Variants in GDAP1 observed in about 807,000 individuals in gnomAD.
GDAP1 encodes ganglioside induced differentiation associated protein 1.
Under a neutral mutation model 40.1 loss-of-function variants are expected in GDAP1, and 34 were observed. The observed-to-expected ratio is 0.85, with a 90% CI of 0.64 to 1.13. The LOEUF (loss-of-function observed/expected upper bound fraction) is 1.13, where lower values mean the gene tolerates loss of function less well. Ranked by LOEUF, GDAP1 falls within the 50% of genes most tolerant of loss-of-function variation. The probability of loss-of-function intolerance (pLI) is 0.00; values close to 1 mark genes in which losing one functional copy is unlikely to be tolerated. For missense variants in GDAP1, 374 were observed against 433.7 expected (o/e 0.86, Z 1.22); for synonymous variants, 170 against 157.4 (o/e 1.08, Z -0.60).
intron 2 of GDAP1, among the ~76,000 whole-genome samples, chr8:74,462,220 A>C (rs921010124): frequency 1.3e-5 from 2 of 152,176 alleles, no homozygotes; most frequent in East Asian, 3.8e-4. Context: ...ATTTTTTGTC[A>C]AGTACTTCCT....
chr8:74,410,808 C>A (rs1294970785), intron 2 of GDAP1, among the ~76,000 whole-genome samples: 1 of 150,214 alleles, frequency 6.7e-6, no homozygotes, highest in African/African-American at 2.5e-5. Context: ...GAAGTGTGTT[C>A]TTATGGCCCT....
chr8:74,429,186 T>G (rs983642885), intron 2 of GDAP1, among the ~76,000 whole-genome samples: 10 of 152,164 alleles, frequency 6.6e-5, no homozygotes, highest in Admixed American at 2.0e-4. Flanking sequence ...CATGTGCATG[T>G]GTCTTTATGG....
intron 2 of GDAP1, among the ~76,000 whole-genome samples, chr8:74,411,469 C>T (rs1404479378): frequency 6.7e-6 from 1 of 149,178 alleles, no homozygotes; most frequent in East Asian, 1.9e-4. Context: ...ATGTTTGCTA[C>T]AGTCTACAGT....
At chr8:74,374,166 G>A (rs1356597136) in intron 2 of GDAP1, among the ~76,000 whole-genome samples, 1 of 152,094 alleles carries the variant, frequency 6.6e-6, no homozygotes, top group Admixed American at 6.5e-5. Flanking sequence ...TGCCAGTATT[G>A]TATTGAGGAT....
chr8:74,467,854 C>A (rs1276319492), intron 2 of GDAP1, among the ~76,000 whole-genome samples: 2 of 152,116 alleles, frequency 1.3e-5, no homozygotes, highest in Admixed American at 6.6e-5. Context: ...CACACACATA[C>A]CGTAAAATAA....
intron 2 of GDAP1, among the ~76,000 whole-genome samples, chr8:74,438,429 T>C (rs1806120486): frequency 6.6e-6 from 1 of 152,184 alleles, no homozygotes; most frequent in Non-Finnish European, 1.5e-5. Context: ...GACTTTAAAA[T>C]GTTTGCCAAT....
At position 74,361,973 on chromosome 8, in the gene GDAP1, C is replaced by A. The variant is rs144199299; in HGVS notation, c.574C>A (p.Leu192Ile). The A allele has an allele frequency of 8.3e-5, 131 of 1,570,860 alleles. No individual in the cohort carries two copies. The African/African-American group carries it at 1.6e-3, about 19-fold the overall frequency. ...QEAYIAKQKR[L>I]KSKLLDHDNV... Reference sequence around the variant, plus strand: ...AGCATACATTGCAAAACAGAAACGACTTAAAGTAAGCCAATCAGCTGTCCT... The same window carrying A: ...AGCATACATTGCAAAACAGAAACGAATTAAAGTAAGCCAATCAGCTGTCCT... Residue 192 changes from leucine to isoleucine, a missense_variant, in exon 4 of 6, where the codon CTT (leucine) becomes ATT (isoleucine). Transcript: ENST00000220822.
In GDAP1 at chr8:74,409,101, G is replaced by A. The variant is rs143989867; in HGVS notation, c.165+57780G>A. ...ATAAGTTTATAAAAGTGCTCTATACGTGATTCTGATGTGCAATCAGAATGT... is the reference window on the plus strand; with the variant it reads ...ATAAGTTTATAAAAGTGCTCTATACATGATTCTGATGTGCAATCAGAATGT... On this transcript the variant is annotated intron_variant, in intron 2 of 2. Transcript: ENST00000523640. Among the ~76,000 whole-genome samples the A allele has an allele frequency of 1.7e-3, 259 of 149,946 alleles. 2 individuals are homozygous for A. Among genetic ancestry groups the A allele is most frequent in the Middle Eastern group, 0.017 (5 of 294 alleles).
At chr8:74,475,498 G>T (rs1806617635) in intron 2 of GDAP1, among the ~76,000 whole-genome samples, 1 of 152,024 alleles carries the variant, frequency 6.6e-6, no homozygotes, top group Non-Finnish European at 1.5e-5. Flanking sequence ...GTTCTCATTA[G>T]TTTCAAATAA....
intron 2 of GDAP1, among the ~76,000 whole-genome samples, chr8:74,421,691 G>T (rs1205097055): frequency 6.6e-6 from 1 of 152,152 alleles, no homozygotes; most frequent in Non-Finnish European, 1.5e-5. Flanking sequence ...CATTCCTCAA[G>T]GGGAAATTAT....
intron 2 of GDAP1, among the ~76,000 whole-genome samples, chr8:74,391,872 G>T (rs1248689391): frequency 6.6e-6 from 1 of 152,106 alleles, no homozygotes; most frequent in Non-Finnish European, 1.5e-5. Context: ...AGGCTGGAGT[G>T]CAATGGCCCG....
At chr8:74,399,541 C>T (rs1292271992) in intron 2 of GDAP1, among the ~76,000 whole-genome samples, 1 of 145,782 alleles carries the variant, frequency 6.9e-6, no homozygotes, top group Admixed American at 6.7e-5. Flanking sequence ...TTTTGTGTCT[C>T]TATTTCCTTC....
intron 2 of GDAP1, among the ~76,000 whole-genome samples, chr8:74,467,148 T>G (rs1806480178): frequency 6.6e-6 from 1 of 152,138 alleles, no homozygotes; most frequent in African/African-American, 2.4e-5. Context: ...AGCAAAGCCA[T>G]CAGCTGAGAG....
rs1202136130 is a variant in GDAP1 at position 74,366,064 on chromosome 8, C to A, written c.*1697C>A. 2.3e-6 allele frequency: 1 copy of A among 442,398 alleles called. No homozygotes were observed. The highest frequency in any genetic ancestry group is 4.5e-6 in the Non-Finnish European group (1 of 223,494). The allele number at this position is 442,398 out of a possible 1,614,324, so 27.4% of individuals were successfully genotyped here. A position where few individuals can be genotyped will look rare whatever the true frequency, so the allele number is the denominator to read the frequency against. ...TATAAAAACCTCTGAAGGATATTTACCTATGAAAAAGTTGTTAAGAATAAA... is the reference window on the plus strand; with the variant it reads ...TATAAAAACCTCTGAAGGATATTTAACTATGAAAAAGTTGTTAAGAATAAA... On this transcript the variant is annotated 3_prime_UTR_variant, in exon 6 of 6. Transcript: ENST00000220822.
chr8:74,439,824 T>G (rs1052449120), intron 2 of GDAP1, among the ~76,000 whole-genome samples: 2 of 152,058 alleles, frequency 1.3e-5, no homozygotes, highest in Non-Finnish European at 2.9e-5. Context: ...TTTAAAAAAT[T>G]TAGTAAATCT....
chr8:74,377,330 T>C (rs1809873129), intron 2 of GDAP1, among the ~76,000 whole-genome samples: 1 of 152,142 alleles, frequency 6.6e-6, no homozygotes. Flanking sequence ...ATATAAAGTA[T>C]ACCTCCAATT....
At chr8:74,424,127 C>T (rs979451462) in intron 2 of GDAP1, among the ~76,000 whole-genome samples, 1 of 152,118 alleles carries the variant, frequency 6.6e-6, no homozygotes, top group Non-Finnish European at 1.5e-5. Context: ...TAGCATCTAA[C>T]CTATGTATAT....
chr8:74,354,640 C>T (rs1809019835), intron 2 of GDAP1, among the ~76,000 whole-genome samples: 1 of 152,118 alleles, frequency 6.6e-6, no homozygotes, highest in African/African-American at 2.4e-5. Flanking sequence ...CAGCTGCATT[C>T]CAAAAGAATG....
At position 74,404,669 on chromosome 8, in the gene GDAP1, T is replaced by A. The variant is rs533502311; in HGVS notation, c.165+53348T>A. Among the ~76,000 whole-genome samples, 38 of 149,866 alleles carry A rather than the reference T, an allele frequency of 2.5e-4. 2 individuals are homozygous for A. Among genetic ancestry groups the A allele is most frequent in the African/African-American group, 9.4e-4 (37 of 39,246 alleles). On this transcript the variant is annotated intron_variant, in intron 2 of 2. Coordinates refer to the GDAP1 transcript ENST00000523640. ...GCTCTGTTCCTTACAAGTCCATGCT[T>A]ATTGATATTGTCAGCTGATCTTTAG...
Sources: gnomAD v4.1 joint callset for allele counts (sites outside exome capture counted in the v4.1 genomes callset) on GRCh38, gnomAD v4.1.1 for gene constraint, MANE v1.5 for transcripts, NCBI Gene and HGNC (gene_info 2026-07-23, HGNC 2026-07-21) for gene names.